The following APH1A variants were observed in gnomAD, a reference collection of about 807,000 sequenced individuals.
APH1A encodes gamma-secretase subunit APH-1A.
APH1A carries 16 observed loss-of-function variants against 30.3 expected under a neutral mutation model. That is an observed-to-expected ratio of 0.53 (90% CI 0.36 to 0.80). The LOEUF is 0.80. APH1A is among the 30% of genes least tolerant of loss of function. The pLI is 0.01. For missense variants in APH1A, 245 were observed against 337.8 expected, an observed-to-expected ratio of 0.73 and a Z score of 2.15; for synonymous variants, 144 against 140.1, an observed-to-expected ratio of 1.03 and a Z score of -0.20.
At position 150,268,862 on chromosome 1, in the gene APH1A, G is replaced by A. The variant is rs782768920; in HGVS notation, c.-52C>T. 4.6e-6 allele frequency: 7 copies of A among 1,524,394 alleles called. No homozygotes were observed. Among genetic ancestry groups the A allele is most frequent in the Non-Finnish European group, 6.3e-6 (7 of 1,117,288 alleles). The allele number at this position is 1,524,394 out of a possible 1,614,324, so 94.4% of individuals were successfully genotyped here. A position where few individuals can be genotyped will look rare whatever the true frequency, so the allele number is the denominator to read the frequency against. ...GGGCCTGACCAGGACAGGCAAATGG[G>A]AGGGGCGCGCCAGCTGGGGAGTCCG... On this transcript the variant is annotated 5_prime_UTR_variant, in exon 1 of 7. Coordinates refer to ENST00000369109, the MANE Select transcript of APH1A (RefSeq NM_001077628.3).
Position 150,268,070 on chromosome 1 carries a change from G to A in APH1A, c.171C>T (p.Val57=). 1.9e-6 allele frequency: 3 copies of A among 1,614,108 alleles called. No homozygotes were observed. Among genetic ancestry groups the A allele is most frequent in the Non-Finnish European group, 1.7e-6 (2 of 1,180,024 alleles). Residue 57 remains valine (V), a synonymous_variant, in exon 2 of 7, where the codon GTC becomes GTT. Transcript: ENST00000369109. ...GGGCATCTGACCGGTCGGTCACATG[G>A]ACCAAGATGAACCAGACCACAGAGG... ...LLASVVWFIL[V]HVTDRSDARL...
chr1:150,267,099 C>A lies in APH1A; in HGVS notation c.585G>T (p.Gly195=). The part of the protein sequence containing the change: ...RRYWALGLVV[G]SHLLTSGLTF... ...CCAGTCCCGATGTCAGTAGGTGACT[C>A]CCAACCACCAGGCCCAAAGCCCAGT... is the stretch of plus-strand genomic sequence containing the variant. The change falls in exon 5 of 7, where the codon GGG becomes GGT. Residue 195 remains glycine (G), a synonymous_variant. Transcript: ENST00000369109. The A allele has an allele frequency of 6.2e-7, 1 of 1,614,184 alleles. No individual in the cohort carries two copies. Among genetic ancestry groups the A allele is most frequent in the Non-Finnish European group, 8.5e-7 (1 of 1,180,040 alleles).
At chr1:150,268,232 G>A in intron 1 of APH1A, 105 bp from the exon 2 acceptor site, 4 of 1,324,002 alleles carry the variant, frequency 3.0e-6, no homozygotes, top group Non-Finnish European at 4.1e-6. Flanking sequence ...TTAGCCTTCC[G>A]GATGGTTAGG....
Sources: allele counts gnomAD v4.1 joint callset, GRCh38; gene constraint gnomAD v4.1.1; transcripts MANE v1.5; gene names NCBI Gene and HGNC (gene_info 2026-07-23, HGNC 2026-07-21).